PDE3B: variants seen among roughly 807,000 people sequenced by gnomAD.
PDE3B encodes the protein phosphodiesterase 3B.
A neutral mutation model predicts 116.8 loss-of-function variants in PDE3B; 66 were observed. The ratio of observed to expected loss-of-function variants is 0.56; its 90% CI spans 0.46 to 0.69. The LOEUF is 0.69. Ranked by LOEUF, PDE3B falls within the 30% of genes least tolerant of loss-of-function variation. The probability of loss-of-function intolerance (pLI) is 0.00; values close to 1 mark genes in which losing one functional copy is unlikely to be tolerated. For missense variants in PDE3B, 1,384 were observed against 1,368.1 expected (o/e 1.01, Z -0.18); for synonymous variants, 595 against 533.6 (o/e 1.12, Z -1.59).
At chr11:14,735,263 A>C (rs1252141573) in intron 1 of PDE3B, among the ~76,000 whole-genome samples, 1 of 152,214 alleles carries the variant, frequency 6.6e-6, no homozygotes, top group Non-Finnish European at 1.5e-5. Context: ...AGGAGGTACA[A>C]AGTCTGTGTG....
At chr11:14,649,769 A>G (rs1042254572) in intron 1 of PDE3B, among the ~76,000 whole-genome samples, 24 of 152,324 alleles carry the variant, frequency 1.6e-4, no homozygotes, top group African/African-American at 3.4e-4. Flanking sequence ...CATTTATTTT[A>G]TATGTTGAAG....
the PDE3B span, chr11:14,880,577 C>T: frequency 6.2e-7 from 1 of 1,613,308 alleles, no homozygotes; most frequent in Non-Finnish European, 8.5e-7. Context: ...ATGTTTGAAA[C>T]AGCATTCGTT....
chr11:14,755,177 T>A (rs1857151761), intron 1 of PDE3B, among the ~76,000 whole-genome samples: 1 of 152,220 alleles, frequency 6.6e-6, no homozygotes, highest in Non-Finnish European at 1.5e-5. Context: ...ACAAGTAATG[T>A]CAAGCCACTG....
chr11:14,713,777 AG>A (rs1170784174), intron 1 of PDE3B, among the ~76,000 whole-genome samples: 3 of 152,170 alleles, frequency 2.0e-5, no homozygotes, highest in African/African-American at 7.2e-5. Context: ...TAATTAATAA[AG>A]GGTGACTTGG....
chr11:14,654,546 G>A (rs527767641), intron 1 of PDE3B, among the ~76,000 whole-genome samples: 17 of 152,192 alleles, frequency 1.1e-4, no homozygotes, highest in African/African-American at 4.1e-4. Context: ...TCAGGCAGAA[G>A]AAATGAATGA....
chr11:14,754,454 A>G (rs1565122643), intron 1 of PDE3B, among the ~76,000 whole-genome samples: 1 of 152,174 alleles, frequency 6.6e-6, no homozygotes, highest in Non-Finnish European at 1.5e-5. Context: ...CTGAGTGTGT[A>G]GATATTATTA....
intron 14 of PDE3B, among the ~76,000 whole-genome samples, chr11:14,861,703 G>T (rs2133991568): frequency 6.6e-6 from 1 of 152,312 alleles, no homozygotes; most frequent in South Asian, 2.1e-4. Context: ...GCATAAGGCA[G>T]AGGGAGAGAC....
chr11:14,857,107 G>A (rs935079230), intron 12 of PDE3B, among the ~76,000 whole-genome samples: 5 of 152,264 alleles, frequency 3.3e-5, no homozygotes, highest in Middle Eastern at 3.4e-3. Context: ...AACTCAGAGG[G>A]TGAAAAGTAA....
intron 5 of PDE3B, among the ~76,000 whole-genome samples, chr11:14,806,598 G>T (rs1858933115): frequency 6.6e-6 from 1 of 151,932 alleles, no homozygotes; most frequent in Admixed American, 6.6e-5. Flanking sequence ...GGTGGCTCAT[G>T]CCTGTAATCC....
At chr11:14,797,513 CT>C (rs57614265) in intron 4 of PDE3B, among the ~76,000 whole-genome samples, 1 of 152,282 alleles carries the variant, frequency 6.6e-6, no homozygotes, top group African/African-American at 2.4e-5. Context: ...CTATATATTA[CT>C]TTGGGCAGTA....
At chr11:14,828,113 C>A (rs985037485) in intron 7 of PDE3B, among the ~76,000 whole-genome samples, 1 of 152,098 alleles carries the variant, frequency 6.6e-6, no homozygotes, top group African/African-American at 2.4e-5. Context: ...AACTGGCTAG[C>A]CATATGTAGA....
chr11:14,660,498 TTTGCTGTG>T (rs1396927597), intron 1 of PDE3B, among the ~76,000 whole-genome samples: 1 of 151,746 alleles, frequency 6.6e-6, no homozygotes, highest in Non-Finnish European at 1.5e-5. Context: ...GAGATGAGGT[TTTGCTGTG>T]TTGCCCACGC....
chr11:14,651,535 A>G (rs895112849), intron 1 of PDE3B, among the ~76,000 whole-genome samples: 3 of 152,224 alleles, frequency 2.0e-5, no homozygotes, highest in African/African-American at 7.2e-5. Flanking sequence ...TATTTTTGCT[A>G]TCAGTGAGTA....
the PDE3B span, chr11:14,891,987 G>T: frequency 3.1e-6 from 5 of 1,613,122 alleles, no homozygotes; most frequent in Admixed American, 8.3e-5. Flanking sequence ...GTACCTCTCC[G>T]TACACCTGGC....
chr11:14,721,801 G>A (rs2072093760), intron 1 of PDE3B, among the ~76,000 whole-genome samples: 1 of 113,110 alleles, frequency 8.8e-6, no homozygotes, highest in Non-Finnish European at 1.8e-5. Flanking sequence ...GGGAGGGGTA[G>A]CATTGGGAGA....
At chr11:14,852,177 C>T (rs548292881) in intron 12 of PDE3B, among the ~76,000 whole-genome samples, 1 of 152,304 alleles carries the variant, frequency 6.6e-6, no homozygotes, top group East Asian at 1.9e-4. Flanking sequence ...CTGCCTCAGC[C>T]TCCCAAGTAG....
chr11:14,855,310 A>G (rs1847828732), intron 12 of PDE3B, among the ~76,000 whole-genome samples: 1 of 152,132 alleles, frequency 6.6e-6, no homozygotes, highest in Admixed American at 6.5e-5. Context: ...CACACATAGC[A>G]CATCATGGAA....
the PDE3B span, chr11:14,891,803 G>C: frequency 4.3e-6 from 6 of 1,408,762 alleles, no homozygotes; most frequent in Non-Finnish European, 5.6e-6. Context: ...AAGGGGGCAC[G>C]GCGTCGAGGA....
chr11:14,805,851 C>A (rs1195789795), intron 5 of PDE3B, among the ~76,000 whole-genome samples: 1 of 152,106 alleles, frequency 6.6e-6, no homozygotes, highest in Non-Finnish European at 1.5e-5. Context: ...AGACACTTCT[C>A]AAAAGAAGAC....
Sources: allele counts gnomAD v4.1 joint callset (sites outside exome capture counted in the v4.1 genomes callset), GRCh38; gene constraint gnomAD v4.1.1; transcripts MANE v1.5; gene names NCBI Gene and HGNC (gene_info 2026-07-23, HGNC 2026-07-21).